The following PARD3B variants were observed in gnomAD, a reference collection of about 807,000 sequenced individuals.
PARD3B encodes the protein par-3 family cell polarity regulator beta.
A neutral mutation model predicts 130.2 loss-of-function variants in PARD3B; 103 were observed. That is an observed-to-expected ratio of 0.79 (90% CI 0.67 to 0.93). PARD3B has a LOEUF of 0.93. PARD3B is among the 40% of genes least tolerant of loss of function. The pLI is 0.00. For missense variants in PARD3B, 1,609 were observed against 1,499.2 expected, an observed-to-expected ratio of 1.07 and a Z score of -1.21; for synonymous variants, 583 against 553.2, an observed-to-expected ratio of 1.05 and a Z score of -0.76.
At chr2:204,941,907 AT>A (rs1688937114) in intron 2 of PARD3B, among the ~76,000 whole-genome samples, 1 of 152,180 alleles carries the variant, frequency 6.6e-6, no homozygotes, top group Non-Finnish European at 1.5e-5. Flanking sequence ...CCACTAGAAT[AT>A]TTGGTCTAAA....
chr2:205,571,596 G>A (rs2053563351), intron 22 of PARD3B, among the ~76,000 whole-genome samples: 1 of 152,226 alleles, frequency 6.6e-6, no homozygotes, highest in South Asian at 2.1e-4. Flanking sequence ...AGAAGACTCT[G>A]TTGGTATTAT....
chr2:204,924,483 C>T (rs1001370915), intron 2 of PARD3B, among the ~76,000 whole-genome samples: 3 of 151,838 alleles, frequency 2.0e-5, no homozygotes, highest in East Asian at 1.9e-4. Flanking sequence ...TACAGCAATA[C>T]CATGTATTAA....
intron 1 of PARD3B, among the ~76,000 whole-genome samples, chr2:204,654,479 G>A (rs2035581529): frequency 1.4e-5 from 2 of 145,262 alleles, no homozygotes; most frequent in South Asian, 4.2e-4. Flanking sequence ...GGAAGTAAAT[G>A]GAATGTGGTG....
intron 2 of PARD3B, among the ~76,000 whole-genome samples, chr2:204,736,312 G>T (rs920784165): frequency 6.6e-6 from 1 of 151,992 alleles, no homozygotes; most frequent in Admixed American, 6.6e-5. Context: ...GGGGTACAGT[G>T]CTTTTTTTTG....
At chr2:205,104,854 A>G (rs1363916081) in intron 5 of PARD3B, among the ~76,000 whole-genome samples, 2 of 152,200 alleles carry the variant, frequency 1.3e-5, no homozygotes, top group Non-Finnish European at 2.9e-5. Flanking sequence ...CTTTGAAAGC[A>G]CCAAATCCTA....
In PARD3B at chr2:205,322,889, CTTTTTTTTTTTTTTTTTTTTTTTTTTT is replaced by C. The variant is rs71032461; in HGVS notation, c.2630+21204_2630+21230del. On this transcript the variant is annotated intron_variant, in intron 18 of 22. Coordinates refer to ENST00000406610, the MANE Select transcript of PARD3B (RefSeq NM_001302769.2). Reference sequence around the variant, plus strand: ...TGTTGTTATATCATTATTAACACCTCTTTTTTTTTTTTTTTTTTTTTTTTTTTTTTTTTTTTTTTTTTGATGGAGTCT... The same window carrying C: ...TGTTGTTATATCATTATTAACACCTCTTTTTTTTTTTTTTTGATGGAGTCT... Among the ~76,000 whole-genome samples the C allele has an allele frequency of 3.3e-4, 17 of 51,466 alleles. 1 individual carries two copies. The East Asian group carries it at 5.4e-3, about 16-fold the overall frequency. 33.8% of individuals were successfully genotyped at this position (51,466 alleles called of 152,430 possible). A position where few individuals can be genotyped will look rare whatever the true frequency, so the allele number is the denominator to read the frequency against.
chr2:204,883,455 A>ATATATATATTTT (rs1377428928), intron 2 of PARD3B, among the ~76,000 whole-genome samples: 2 of 77,272 alleles, frequency 2.6e-5, no homozygotes, highest in African/African-American at 1.1e-4. Context: ...ATATATATAT[A>ATATATATATTTT]TTTTTTTTTT....
chr2:204,818,184 A>C (rs1450743759), intron 2 of PARD3B, among the ~76,000 whole-genome samples: 3 of 152,172 alleles, frequency 2.0e-5, no homozygotes, highest in African/African-American at 4.8e-5. Flanking sequence ...AGTGATTATG[A>C]ATCCAAAAAG....
chr2:205,304,763 C>T (rs1309050740), intron 18 of PARD3B, among the ~76,000 whole-genome samples: 1 of 151,774 alleles, frequency 6.6e-6, no homozygotes, highest in African/African-American at 2.4e-5. Context: ...ATGGCAAAAA[C>T]CCATTTCCAT....
chr2:204,926,007 A>G (rs1000791192), intron 2 of PARD3B, among the ~76,000 whole-genome samples: 9 of 141,652 alleles, frequency 6.4e-5, no homozygotes, highest in South Asian at 6.3e-4. Flanking sequence ...GCCATGTGGA[A>G]CTGTGAGTCA....
intron 22 of PARD3B, among the ~76,000 whole-genome samples, chr2:205,599,238 C>A (rs1051679017): frequency 1.3e-5 from 2 of 152,012 alleles, no homozygotes; most frequent in Admixed American, 1.3e-4. Context: ...GAATAGATTA[C>A]CAGATGTAAA....
chr2:205,180,031 C>T (rs538660541), intron 13 of PARD3B, among the ~76,000 whole-genome samples: 11 of 151,556 alleles, frequency 7.3e-5, no homozygotes, highest in East Asian at 3.9e-4. Context: ...CTTCCCAGGA[C>T]GTAGATTTAG....
At chr2:204,616,504 G>A (rs186069494) in intron 1 of PARD3B, among the ~76,000 whole-genome samples, 9 of 152,208 alleles carry the variant, frequency 5.9e-5, no homozygotes, top group African/African-American at 1.9e-4. Context: ...ACAGGAACTC[G>A]TTCATTACTG....
At chr2:204,564,391 T>A (rs1185399114) in intron 1 of PARD3B, among the ~76,000 whole-genome samples, 1 of 152,162 alleles carries the variant, frequency 6.6e-6, no homozygotes, top group Non-Finnish European at 1.5e-5. Context: ...GAGTGTATCA[T>A]GTGGCAGAGA....
At chr2:204,809,738 C>T (rs536662417) in intron 2 of PARD3B, among the ~76,000 whole-genome samples, 3 of 152,100 alleles carry the variant, frequency 2.0e-5, no homozygotes, top group Non-Finnish European at 4.4e-5. Flanking sequence ...TTTTTTAGTT[C>T]CATTTGAGTT....
rs375044318 is a variant in PARD3B, at chr2:205,400,641, C to CA, written c.2631-360dup. ...TGGGTGACAGAGTGAGACGCTGTCT[C>CA]AAAAAAAAAAAATAAAAACTAAAGA... On this transcript the variant is annotated intron_variant, in intron 18 of 22. Transcript: ENST00000406610. Among the ~76,000 whole-genome samples the CA allele has an allele frequency of 5.1e-3, 699 of 137,598 alleles. 7 individuals carry two copies. The highest frequency in any genetic ancestry group is 0.015 in the African/African-American group (557 of 37,580). 90.3% of individuals were successfully genotyped at this position (137,598 alleles called of 152,430 possible).
intron 2 of PARD3B, among the ~76,000 whole-genome samples, chr2:204,802,481 T>C (rs979989650): frequency 6.6e-6 from 1 of 152,088 alleles, no homozygotes; most frequent in African/African-American, 2.4e-5. Context: ...CCCAGCAATC[T>C]CATTACTGGG....
chr2:205,248,418 GGCA>G (rs1370703012), intron 16 of PARD3B, among the ~76,000 whole-genome samples: 12 of 150,772 alleles, frequency 8.0e-5, no homozygotes, highest in African/African-American at 2.2e-4. Flanking sequence ...TGGTGGTGGC[GGCA>G]GCAGCAGCAG....
At chr2:205,174,741 G>A (rs2035368805) in intron 12 of PARD3B, among the ~76,000 whole-genome samples, 1 of 152,158 alleles carries the variant, frequency 6.6e-6, no homozygotes, top group South Asian at 2.1e-4. Context: ...CTCAAAAATT[G>A]AAGAAGCTAC....
Sources: gnomAD v4.1 joint callset for allele counts (sites outside exome capture counted in the v4.1 genomes callset) on GRCh38, gnomAD v4.1.1 for gene constraint, MANE v1.5 for transcripts, NCBI Gene and HGNC (gene_info 2026-07-23, HGNC 2026-07-21) for gene names.